The following OCIAD1 variants were observed in gnomAD, a reference collection of about 807,000 sequenced individuals.
The protein encoded by OCIAD1 is OCIA domain containing 1.
In OCIAD1, 29 loss-of-function variants were observed where a neutral mutation model predicts 38.9. That is an observed-to-expected ratio of 0.74 (90% CI 0.55 to 1.02). OCIAD1 has a LOEUF of 1.02. Among genes scored for constraint, OCIAD1 ranks in the 50% least tolerant of loss-of-function variants. OCIAD1 has a pLI of 0.00. For synonymous variants in OCIAD1, 110 were observed against 92.0 expected (o/e 1.20, Z -1.12); for missense variants, 288 against 289.6 (o/e 0.99, Z 0.04).
chr4:48,817,117 A>C (rs1186613152), intron 1 of OCIAD1, among the ~76,000 whole-genome samples: 1 of 152,196 alleles, frequency 6.6e-6, no homozygotes, highest in Non-Finnish European at 1.5e-5. Context: ...CTGGTTAGGC[A>C]GTGGGTCCAA....
intron 7 of OCIAD1, among the ~76,000 whole-genome samples, chr4:48,855,268 A>C (rs1404025301): frequency 1.3e-5 from 2 of 152,262 alleles, no homozygotes; most frequent in African/African-American, 4.8e-5. Context: ...TTCCTGAAGT[A>C]CACACGATTT....
chr4:48,843,522 A>C (rs534280239), intron 4 of OCIAD1, among the ~76,000 whole-genome samples: 2 of 152,322 alleles, frequency 1.3e-5, no homozygotes, highest in South Asian at 4.1e-4. Flanking sequence ...TAGTTGATAA[A>C]AGTAGTTTTG....
intron 1 of OCIAD1, among the ~76,000 whole-genome samples, chr4:48,810,355 G>T (rs1178778729): frequency 6.6e-6 from 1 of 151,362 alleles, no homozygotes; most frequent in East Asian, 2.0e-4. Context: ...TGTAGTCCCA[G>T]CTACTCGGGA....
chr4:48,823,642 T>C (rs1777219670), intron 1 of OCIAD1, among the ~76,000 whole-genome samples: 1 of 152,050 alleles, frequency 6.6e-6, no homozygotes, highest in Non-Finnish European at 1.5e-5. Context: ...ATGATCTCTT[T>C]GAATTTACTT....
chr4:48,824,870 G>A lies in OCIAD1; in HGVS notation c.-102-5707G>A, dbSNP rs1164495381. Reference sequence around the variant, plus strand: ...CCCACCTCAGCCTCCCAAGTAGCTGGGATTACAGGCATGCACCACTACATC... The same window carrying A: ...CCCACCTCAGCCTCCCAAGTAGCTGAGATTACAGGCATGCACCACTACATC... On this transcript the variant is annotated intron_variant, in intron 1 of 6. Coordinates refer to the OCIAD1 transcript ENST00000504654. Among the ~76,000 whole-genome samples, 4 of 151,964 alleles carry A rather than the reference G, an allele frequency of 2.6e-5. No individual in the cohort carries two copies. The East Asian group carries it at 7.8e-4, about 30-fold the overall frequency.
chr4:48,842,762 T>A, intron 4 of OCIAD1, 73 bp downstream of exon 4: 1 of 801,212 alleles, frequency 1.2e-6, no homozygotes, highest in Non-Finnish European at 2.0e-6. Flanking sequence ...TCCAGGTCTT[T>A]AGAAAAAGTA....
At chr4:48,833,374 T>A (rs1321446419) in intron 2 of OCIAD1, 27 bp from the exon 3 acceptor site, 2 of 1,340,676 alleles carry the variant, frequency 1.5e-6, no homozygotes, top group South Asian at 1.2e-5. Context: ...GATAATTTAA[T>A]GTTTTCTGAT....
intron 1 of OCIAD1, among the ~76,000 whole-genome samples, chr4:48,815,244 C>T (rs372398101): frequency 6.6e-6 from 1 of 152,160 alleles, no homozygotes. Context: ...AACCAGAAGG[C>T]GGAGGTTGCA....
Position 48,861,173 on chromosome 4 carries a change from T to G in OCIAD1, c.*411T>G, listed in dbSNP as rs1780569122. The G allele has an allele frequency of 6.2e-6, 1 of 160,666 alleles. No individual in the cohort carries two copies. Among genetic ancestry groups the G allele is most frequent in the Non-Finnish European group, 1.4e-5 (1 of 73,942 alleles). 10.0% of individuals were successfully genotyped at this position (160,666 alleles called of 1,614,324 possible). On this transcript the variant is annotated 3_prime_UTR_variant, in exon 9 of 9. Coordinates refer to ENST00000264312, the MANE Select transcript of OCIAD1 (RefSeq NM_017830.4). ...GTGAAGCTTTGCATCAAGAAATTAT[T>G]AAAAAGCTTTTTTTCTCCAGTATTT...
At chr4:48,857,403 A>G in intron 8 of OCIAD1, 38 bp downstream of exon 8, 2 of 1,362,082 alleles carry the variant, frequency 1.5e-6, no homozygotes, top group Non-Finnish European at 2.0e-6. Flanking sequence ...ACTGTTGAGG[A>G]TTGGAAACTA....
In OCIAD1 at chr4:48,860,801, A is replaced by C. The variant is rs774250930; in HGVS notation, c.*39A>C. Reference sequence around the variant, plus strand: ...TGGACATGAAGGAGTTTCAACATCCAGCTTCATCTAGGTGGTCATGATTAC... The same window carrying C: ...TGGACATGAAGGAGTTTCAACATCCCGCTTCATCTAGGTGGTCATGATTAC... On this transcript the variant is annotated 3_prime_UTR_variant, in exon 9 of 9. Coordinates refer to ENST00000264312, the MANE Select transcript of OCIAD1 (RefSeq NM_017830.4). The C allele has an allele frequency of 2.6e-5, 38 of 1,471,530 alleles. No individual in the cohort carries two copies. The highest frequency in any genetic ancestry group is 8.4e-5 in the Admixed American group (5 of 59,200). 91.2% of individuals were successfully genotyped at this position (1,471,530 alleles called of 1,614,324 possible).
chr4:48,854,345 A>T (rs1323255954), intron 7 of OCIAD1, among the ~76,000 whole-genome samples: 1 of 152,196 alleles, frequency 6.6e-6, no homozygotes, highest in Non-Finnish European at 1.5e-5. Flanking sequence ...ATTTTATCAC[A>T]CTACTCAGAA....
intron 1 of OCIAD1, among the ~76,000 whole-genome samples, chr4:48,825,360 A>T (rs570353900): frequency 6.6e-6 from 1 of 152,160 alleles, no homozygotes; most frequent in Non-Finnish European, 1.5e-5. Flanking sequence ...GTCATCTAAC[A>T]CATGAATATC....
At chr4:48,834,109 G>A (rs1777769413) in intron 3 of OCIAD1, among the ~76,000 whole-genome samples, 1 of 152,124 alleles carries the variant, frequency 6.6e-6, no homozygotes, top group Non-Finnish European at 1.5e-5. Context: ...CAAAGAATTG[G>A]TATTGCTTTA....
upstream of OCIAD1, among the ~76,000 whole-genome samples, chr4:48,829,553 A>C (rs1777322645): frequency 6.6e-6 from 1 of 152,218 alleles, no homozygotes; most frequent in Non-Finnish European, 1.5e-5. Context: ...ATACTATGAA[A>C]ACAATAAGCA....
chr4:48,854,671 T>A (rs553335900), intron 7 of OCIAD1, among the ~76,000 whole-genome samples: 1 of 152,196 alleles, frequency 6.6e-6, no homozygotes. Flanking sequence ...ACAGCAGCCA[T>A]CCATCCATCC....
In OCIAD1 at chr4:48,861,000, T is replaced by A. The variant is rs1780557580; in HGVS notation, c.*238T>A. Reference sequence around the variant, plus strand: ...GAATGATGGTATTATACCATGATTGTATACAGTTTGTGAAATTGTTGCAAG... The same window carrying A: ...GAATGATGGTATTATACCATGATTGAATACAGTTTGTGAAATTGTTGCAAG... On this transcript the variant is annotated 3_prime_UTR_variant, in exon 9 of 9. Coordinates refer to ENST00000264312, the MANE Select transcript of OCIAD1 (RefSeq NM_017830.4). The A allele has an allele frequency of 2.3e-6, 1 of 433,838 alleles. No individual in the cohort carries two copies. Among genetic ancestry groups the A allele is most frequent in the Non-Finnish European group, 4.1e-6 (1 of 245,336 alleles). 26.9% of individuals were successfully genotyped at this position (433,838 alleles called of 1,614,324 possible). A position where few individuals can be genotyped will look rare whatever the true frequency, so the allele number is the denominator to read the frequency against.
At chr4:48,815,944 C>T (rs1777138380) in intron 1 of OCIAD1, among the ~76,000 whole-genome samples, 1 of 152,152 alleles carries the variant, frequency 6.6e-6, no homozygotes, top group Non-Finnish European at 1.5e-5. Flanking sequence ...ATCTTTGATA[C>T]TCTTAATTTT....
intron 4 of OCIAD1, among the ~76,000 whole-genome samples, chr4:48,845,851 C>T (rs2109567163): frequency 6.6e-6 from 1 of 152,320 alleles, no homozygotes; most frequent in East Asian, 1.9e-4. Flanking sequence ...TATCTACCTC[C>T]ATCTGTACTG....
Sources: allele counts gnomAD v4.1 joint callset (sites outside exome capture counted in the v4.1 genomes callset), GRCh38; gene constraint gnomAD v4.1.1; transcripts MANE v1.5; gene names NCBI Gene and HGNC (gene_info 2026-07-23, HGNC 2026-07-21).